CFAP54: variants seen among roughly 807,000 people sequenced by gnomAD.
CFAP54 encodes cilia- and flagella-associated protein 54.
Under a neutral mutation model 370.4 loss-of-function variants are expected in CFAP54, and 290 were observed. The ratio of observed to expected loss-of-function variants is 0.78; its 90% CI spans 0.71 to 0.86. The LOEUF is 0.86. CFAP54 is among the 40% of genes least tolerant of loss of function. CFAP54 has a pLI of 0.00. For missense variants in CFAP54, 3,399 were observed against 3,528.7 expected (o/e 0.96, Z 0.93); for synonymous variants, 1,206 against 1,236.5 (o/e 0.98, Z 0.52).
chr12:96,868,629 G>A (rs1447853827), intron 67 of CFAP54, among the ~76,000 whole-genome samples: 1 of 152,100 alleles, frequency 6.6e-6, no homozygotes, highest in Non-Finnish European at 1.5e-5. Context: ...TCAAAAAAAT[G>A]TAAGGTAGCT....
chr12:96,752,085 T>TGAGAGACAGAGAGA lies in CFAP54; in HGVS notation c.7685-1652_7685-1651insCAGAGAGAGAGAGA, dbSNP rs1555318323. Among the ~76,000 whole-genome samples the TGAGAGACAGAGAGA allele has an allele frequency of 3.4e-4, 31 of 90,626 alleles. 1 individual carries two copies. The highest frequency in any genetic ancestry group is 1.2e-3 in the African/African-American group (31 of 25,718). The allele number at this position is 90,626 out of a possible 152,430, so 59.5% of individuals were successfully genotyped here. On this transcript the variant is annotated intron_variant, in intron 55 of 67. Coordinates refer to ENST00000524981, the MANE Select transcript of CFAP54 (RefSeq NM_001306084.2). ...AAGGACTCAGTAACTTCTTCCTGGA[T>TGAGAGACAGAGAGA]GAGAGAGAGAGAGAGAGAGAGAGAG... is the stretch of plus-strand genomic sequence containing the variant.
intron 66 of CFAP54, among the ~76,000 whole-genome samples, chr12:96,837,534 AGTGCAG>A (rs2136769782): frequency 6.6e-6 from 1 of 152,360 alleles, no homozygotes; most frequent in African/African-American, 2.4e-5. Context: ...CTCCTGTATA[AGTGCAG>A]GTTGGGTCTT....
chr12:96,542,953 C>T (rs1955593940), intron 14 of CFAP54, among the ~76,000 whole-genome samples: 1 of 152,114 alleles, frequency 6.6e-6, no homozygotes, highest in African/African-American at 2.4e-5. Flanking sequence ...TGGGATTTTC[C>T]ACATTCTGGA....
chr12:96,629,875 T>C (rs757733416), intron 30 of CFAP54, among the ~76,000 whole-genome samples: 1 of 152,242 alleles, frequency 6.6e-6, no homozygotes, highest in East Asian at 1.9e-4. Flanking sequence ...AACATCTTCA[T>C]TGATACTCAC....
chr12:96,587,467 T>G lies in CFAP54; in HGVS notation c.3076-1960T>G, dbSNP rs923953700. Among the ~76,000 whole-genome samples, 5 of 152,160 alleles carry G rather than the reference T, an allele frequency of 3.3e-5. No homozygotes were observed. The South Asian group carries it at 8.3e-4, about 25-fold the overall frequency. ...ATTATTTCATTAGTCTTTTAGTGCT[T>G]CTTTCTCATTTTCATTCAGCCCCTC... On this transcript the variant is annotated intron_variant, in intron 22 of 67. Transcript: ENST00000524981.
At chr12:96,668,688 T>C (rs977161489) in intron 39 of CFAP54, among the ~76,000 whole-genome samples, 1 of 152,212 alleles carries the variant, frequency 6.6e-6, no homozygotes, top group Admixed American at 6.5e-5. Flanking sequence ...TTTTTGGCCA[T>C]GCAGCTTGTA....
intron 43 of CFAP54, among the ~76,000 whole-genome samples, chr12:96,690,461 T>A (rs1191215192): frequency 6.6e-6 from 1 of 152,198 alleles, no homozygotes; most frequent in Non-Finnish European, 1.5e-5. Context: ...ATCTTGTTTC[T>A]CCAACATCTA....
intron 29 of CFAP54, 43 bp downstream of exon 29, chr12:96,625,850 A>G (rs1229391217): frequency 7.5e-7 from 1 of 1,334,960 alleles, no homozygotes; most frequent in African/African-American, 1.5e-5. Flanking sequence ...TCGATTTATC[A>G]CTGAAGAGAA....
chr12:96,529,623 T>C (rs757550753), intron 9 of CFAP54, among the ~76,000 whole-genome samples: 4 of 152,212 alleles, frequency 2.6e-5, no homozygotes, highest in Non-Finnish European at 5.9e-5. Context: ...CACTTTTTCA[T>C]ATACTTTTTT....
At chr12:96,590,704 A>T (rs1029211412) in intron 23 of CFAP54, among the ~76,000 whole-genome samples, 2 of 152,218 alleles carry the variant, frequency 1.3e-5, no homozygotes, top group South Asian at 2.1e-4. Context: ...GAGAGAAAGG[A>T]GTGAAAAGTG....
At chr12:96,811,893 G>A in intron 64 of CFAP54, 51 bp downstream of exon 64, 1 of 1,102,082 alleles carries the variant, frequency 9.1e-7, no homozygotes, top group Non-Finnish European at 1.3e-6. Context: ...TCTCTCACGA[G>A]AATAGACTCT....
chr12:96,648,696 C>T (rs1956826188), intron 34 of CFAP54, among the ~76,000 whole-genome samples: 1 of 142,558 alleles, frequency 7.0e-6, no homozygotes, highest in Non-Finnish European at 1.5e-5. Context: ...TCAAGCGATT[C>T]TCCTGCCTCA....
At chr12:96,812,524 A>G (rs1958937858) in intron 64 of CFAP54, among the ~76,000 whole-genome samples, 1 of 151,920 alleles carries the variant, frequency 6.6e-6, no homozygotes, top group Admixed American at 6.6e-5. Flanking sequence ...CTTAGCCTCC[A>G]TTTCCTCCAT....
rs1301015150 is a variant in CFAP54, at chr12:96,858,458, A to T, written c.9172-2361A>T. Among the ~76,000 whole-genome samples the T allele has an allele frequency of 2.6e-5, 4 of 152,096 alleles. No homozygotes were observed. In the East Asian group the frequency reaches 7.7e-4, roughly 29 times the overall value. On this transcript the variant is annotated intron_variant, in intron 66 of 67. Transcript: ENST00000524981. ...TTCTCTAGGTTGTCTGTTTACTCTT[A>T]TAGTTTCTTTTGCTATGCAGAAGCT... is the stretch of plus-strand genomic sequence containing the variant.
intron 3 of CFAP54, 51 bp from the exon 4 acceptor site, chr12:96,506,877 G>A (rs1397941431): frequency 2.5e-5 from 37 of 1,473,270 alleles, no homozygotes; most frequent in South Asian, 1.5e-4. Flanking sequence ...GTGAGCTACT[G>A]TTCCTGGCCA....
chr12:96,700,008 C>A lies in CFAP54; in HGVS notation c.6389C>A (p.Ala2130Asp), dbSNP rs774295685. 5.6e-6 allele frequency: 9 copies of A among 1,595,182 alleles called. No homozygotes were observed. The highest frequency in any genetic ancestry group is 7.7e-6 in the Non-Finnish European group (9 of 1,165,142). The change falls in exon 46 of 68, where the codon GCC (alanine) becomes GAC (aspartate). Residue 2130 changes from alanine (A) to aspartate (D), a missense_variant. Around this residue, in one of 3 missense-constraint regions of CFAP54, gnomAD observed 2,796 missense variants for 2,869.7 expected, o/e 0.97. Coordinates refer to ENST00000524981, the MANE Select transcript of CFAP54 (RefSeq NM_001306084.2). ...VLIDLRFFSE[A>D]FYEISQIFYG... is the part of the protein sequence containing the mutation. ...ATAGATTTGAGATTCTTTTCTGAAG[C>A]CTTTTATGAGATATCCCAAATTTTC...
Position 96,500,811 on chromosome 12 carries a change from GTTTTA to G in CFAP54, c.318-16_318-12del. 1 of 1,488,948 alleles carries G rather than the reference GTTTTA, an allele frequency of 6.7e-7. No individual in the cohort carries two copies. The highest frequency in any genetic ancestry group is 9.0e-7 in the Non-Finnish European group (1 of 1,113,742). The allele number at this position is 1,488,948 out of a possible 1,614,324, so 92.2% of individuals were successfully genotyped here. On this transcript the variant is annotated intron_variant, in intron 1 of 67. Transcript: ENST00000524981. Reference sequence around the variant, plus strand: ...GTTTCCTGCAGACTTTGACAATGTCGTTTTATTTTATGATTTTTACAGTGCCACTT... The same window carrying G: ...GTTTCCTGCAGACTTTGACAATGTCGTTTTATGATTTTTACAGTGCCACTT...
chr12:96,725,590 T>G (rs1462433691), intron 50 of CFAP54, among the ~76,000 whole-genome samples: 1 of 152,086 alleles, frequency 6.6e-6, no homozygotes, highest in Non-Finnish European at 1.5e-5. Context: ...AGACGATGGG[T>G]TTTCTAGATA....
intron 66 of CFAP54, among the ~76,000 whole-genome samples, chr12:96,855,013 G>A (rs1203163826): frequency 6.6e-6 from 1 of 152,146 alleles, no homozygotes; most frequent in South Asian, 2.1e-4. Flanking sequence ...GGAGGCCACA[G>A]GAGATTTACA....
Sources: gnomAD v4.1 joint callset for allele counts (sites outside exome capture counted in the v4.1 genomes callset) on GRCh38, gnomAD v4.1.1 for gene constraint, gnomAD v4.1.1 regional missense constraint, MANE v1.5 for transcripts, NCBI Gene and HGNC (gene_info 2026-07-23, HGNC 2026-07-21) for gene names.